The following PTPN9 variants were observed in gnomAD, a reference collection of about 807,000 sequenced individuals.
PTPN9 encodes the protein tyrosine-protein phosphatase non-receptor type 9.
A neutral mutation model predicts 69.8 loss-of-function variants in PTPN9; 26 were observed. That is an observed-to-expected ratio of 0.37 (90% CI 0.27 to 0.52). The LOEUF (loss-of-function observed/expected upper bound fraction) is 0.52, where lower values mean the gene tolerates loss of function less well. Among genes scored for constraint, PTPN9 ranks in the 20% least tolerant of loss-of-function variants. The pLI, the probability that PTPN9 is intolerant of heterozygous loss-of-function variation, is 0.91. For missense variants in PTPN9, 549 were observed against 740.3 expected, an observed-to-expected ratio of 0.74 and a Z score of 3.00; for synonymous variants, 274 against 272.5, an observed-to-expected ratio of 1.01 and a Z score of -0.05.
chr15:75,497,067 G>A (rs138530618), intron 7 of PTPN9, among the ~76,000 whole-genome samples: 246 of 152,242 alleles, frequency 1.6e-3, no homozygotes, highest in African/African-American at 5.7e-3. Flanking sequence ...ATATATAACA[G>A]TATAAACAAA....
chr15:75,525,254 G>A (rs1486053494), intron 2 of PTPN9, among the ~76,000 whole-genome samples: 2 of 151,418 alleles, frequency 1.3e-5, no homozygotes, highest in Admixed American at 1.3e-4. Context: ...AGGCTGGAGT[G>A]CAGTGGCATG....
rs749534000 is a variant in PTPN9 at position 75,473,646 on chromosome 15, C to A, written c.1208+43G>T. ...CTCTTTAATCACCCATGCCTAGGGA[C>A]AGAGTGGAGGTGGAGACCTTTGGAA... is the stretch of plus-strand genomic sequence containing the variant. On this transcript the variant is annotated intron_variant, in intron 10 of 12. Transcript: ENST00000618819. 2.1e-6 allele frequency: 3 copies of A among 1,442,164 alleles called. No individual in the cohort carries two copies. In the African/African-American group the frequency reaches 4.2e-5, roughly 20 times the overall value. 89.3% of individuals were successfully genotyped at this position (1,442,164 alleles called of 1,614,324 possible).
chr15:75,574,867 G>A lies in PTPN9; in HGVS notation c.63+3847C>T, dbSNP rs982988152. Among the ~76,000 whole-genome samples the A allele has an allele frequency of 7.8e-4, 116 of 148,566 alleles. 1 individual carries two copies. Among genetic ancestry groups the A allele is most frequent in the African/African-American group, 2.6e-3 (107 of 40,750 alleles). ...TGAAGCAAGAGAATTGCTCGAACCC[G>A]GGAGGCAGAGGTTGCAATGAGCCAA... On this transcript the variant is annotated intron_variant, in intron 1 of 12. Coordinates refer to ENST00000618819, the MANE Select transcript of PTPN9 (RefSeq NM_002833.4).
At position 75,562,780 on chromosome 15, in the gene PTPN9, G is replaced by A. The variant is rs188141157; in HGVS notation, c.63+15934C>T. ...TGCACTCCAGCCTGGATGACAGAGC[G>A]AGACTCGTTTCAAAAAAAAAAAAAA... On this transcript the variant is annotated intron_variant, in intron 1 of 12. Transcript: ENST00000618819. 8.0e-3 allele frequency among the ~76,000 whole-genome samples: 933 copies of A among 116,384 alleles called. 7 individuals are homozygous for A. The highest frequency in any genetic ancestry group is 0.03 in the African/African-American group (877 of 29,532). 76.4% of individuals were successfully genotyped at this position (116,384 alleles called of 152,430 possible).
intron 8 of PTPN9, among the ~76,000 whole-genome samples, chr15:75,489,583 G>T (rs1402560405): frequency 6.6e-6 from 1 of 151,744 alleles, no homozygotes; most frequent in Non-Finnish European, 1.5e-5. Context: ...ACCTTGTCTT[G>T]AGGGAGAAAA....
intron 1 of PTPN9, among the ~76,000 whole-genome samples, chr15:75,548,252 ACTT>A (rs528705484): frequency 3.7e-4 from 56 of 151,362 alleles, no homozygotes; most frequent in Admixed American, 7.3e-4. Context: ...CATAATATAA[ACTT>A]CTTCTTTTTT....
chr15:75,533,347 C>T (rs943845690), intron 1 of PTPN9, among the ~76,000 whole-genome samples: 4 of 152,160 alleles, frequency 2.6e-5, no homozygotes, highest in African/African-American at 9.7e-5. Flanking sequence ...CAGCCTCGAC[C>T]TCCTGGGCTC....
intron 1 of PTPN9, among the ~76,000 whole-genome samples, chr15:75,529,702 G>A (rs1294613070): frequency 2.0e-5 from 3 of 152,018 alleles, no homozygotes; most frequent in Non-Finnish European, 4.4e-5. Context: ...TTGAGGTCAG[G>A]AGTTCGAGAC....
intron 1 of PTPN9, among the ~76,000 whole-genome samples, chr15:75,573,689 G>A (rs562763327): frequency 1.3e-5 from 2 of 152,264 alleles, no homozygotes; most frequent in South Asian, 2.1e-4. Context: ...AAGTATTTCC[G>A]TAAGTGCCAG....
At position 75,468,941 on chromosome 15, in the gene PTPN9, TC is replaced by T. The variant is rs769310650; in HGVS notation, c.1609del (p.Glu537SerfsTer14). On this transcript the variant is annotated frameshift_variant, in exon 13 of 13. Coordinates refer to ENST00000618819, the MANE Select transcript of PTPN9 (RefSeq NM_002833.4). LOFTEE classifies it high-confidence loss of function. ...CTGGAACACATTAAGGGTGCCAAGC[TC>T]CTCCAGCTGTGCCAGGCAGATGTCC... ...SLDICLAQLE[E>X]LGTLNVFQTV... 4 of 1,614,012 alleles carry T rather than the reference TC, an allele frequency of 2.5e-6. No individual in the cohort carries two copies. The Admixed American group carries it at 6.7e-5, about 27-fold the overall frequency.
At chr15:75,567,813 G>A (rs779564114) in intron 1 of PTPN9, among the ~76,000 whole-genome samples, 2 of 151,726 alleles carry the variant, frequency 1.3e-5, no homozygotes, top group Middle Eastern at 3.4e-3. Flanking sequence ...TGACTAACAC[G>A]GTGAAACCCT....
chr15:75,559,835 T>C (rs2075096608), intron 1 of PTPN9, among the ~76,000 whole-genome samples: 2 of 151,758 alleles, frequency 1.3e-5, no homozygotes, highest in South Asian at 4.2e-4. Flanking sequence ...AAATGAATAT[T>C]TTTTTCTTTT....
intron 1 of PTPN9, among the ~76,000 whole-genome samples, chr15:75,571,201 A>C (rs971888001): frequency 6.6e-6 from 1 of 152,108 alleles, no homozygotes; most frequent in Non-Finnish European, 1.5e-5. Flanking sequence ...CGGCGGTTGC[A>C]GTGAGCCGAG....
At chr15:75,471,182 T>C (rs1595944431) in intron 10 of PTPN9, among the ~76,000 whole-genome samples, 1 of 152,074 alleles carries the variant, frequency 6.6e-6, no homozygotes, top group East Asian at 1.9e-4. Flanking sequence ...ATGCCTGTAA[T>C]CCCAGCTACT....
At chr15:75,516,857 G>C (rs1252107558) in intron 5 of PTPN9, among the ~76,000 whole-genome samples, 1 of 147,722 alleles carries the variant, frequency 6.8e-6, no homozygotes, top group African/African-American at 2.5e-5. Context: ...CGATTCTCCT[G>C]CCTCAGCCTC....
At chr15:75,559,312 C>A (rs1218340782) in intron 1 of PTPN9, among the ~76,000 whole-genome samples, 1 of 152,090 alleles carries the variant, frequency 6.6e-6, no homozygotes, top group Non-Finnish European at 1.5e-5. Context: ...ACGACGATGG[C>A]GGTTTTGTCG....
intron 1 of PTPN9, among the ~76,000 whole-genome samples, chr15:75,567,828 C>CT (rs2075132822): frequency 6.6e-6 from 1 of 151,892 alleles, no homozygotes. Context: ...AACCCTGTCT[C>CT]TATTAAAAAT....
At chr15:75,480,813 C>T in intron 8 of PTPN9, 20 of 635,820 alleles carry the variant, frequency 3.1e-5, no homozygotes, top group East Asian at 4.7e-5. Flanking sequence ...GGACGGGCCC[C>T]GCGGGGCCCG....
At chr15:75,516,349 G>C (rs1327159232) in intron 5 of PTPN9, among the ~76,000 whole-genome samples, 2 of 149,934 alleles carry the variant, frequency 1.3e-5, no homozygotes, top group African/African-American at 4.9e-5. Context: ...TGTCGCCCAG[G>C]CTGGAGTGCA....
Sources: allele counts gnomAD v4.1 joint callset (sites outside exome capture counted in the v4.1 genomes callset), GRCh38; gene constraint gnomAD v4.1.1; transcripts MANE v1.5; gene names NCBI Gene and HGNC (gene_info 2026-07-23, HGNC 2026-07-21).